ELAVL2: variants seen among roughly 807,000 people sequenced by gnomAD.
The protein encoded by ELAVL2 is ELAV-like protein 2.
A neutral mutation model predicts 34.6 loss-of-function variants in ELAVL2; 4 were observed. The ratio of observed to expected loss-of-function variants is 0.12; its 90% CI spans 0.06 to 0.26. The LOEUF (loss-of-function observed/expected upper bound fraction) is 0.26. Among genes scored for constraint, ELAVL2 ranks in the 10% least tolerant of loss-of-function variants. ELAVL2 has a pLI of 1.00. For synonymous variants in ELAVL2, 193 were observed against 154.8 expected (o/e 1.25, Z -1.83); for missense variants, 432 against 442.8 (o/e 0.98, Z 0.22).
chr9:23,818,078 C>A (rs193148694), intron 1 of ELAVL2, among the ~76,000 whole-genome samples: 5 of 152,270 alleles, frequency 3.3e-5, no homozygotes, highest in African/African-American at 1.2e-4. Flanking sequence ...GGATTTGGCA[C>A]TGAACTACAA....
intron 1 of ELAVL2, among the ~76,000 whole-genome samples, chr9:23,767,688 G>C (rs1240800489): frequency 6.6e-6 from 1 of 152,116 alleles, no homozygotes; most frequent in Non-Finnish European, 1.5e-5. Flanking sequence ...CAGGAGAATG[G>C]CTTGAACCCA....
chr9:23,821,794 C>T (rs1157475816), intron 1 of ELAVL2: 4 of 151,526 alleles, frequency 2.6e-5, no homozygotes, highest in Non-Finnish European at 4.4e-5. Flanking sequence ...CCGCCCTCCT[C>T]ACCCGGCCGG....
intron 1 of ELAVL2, among the ~76,000 whole-genome samples, chr9:23,774,124 T>C (rs1202492717): frequency 7.2e-6 from 1 of 138,720 alleles, no homozygotes; most frequent in African/African-American, 2.7e-5. Flanking sequence ...GGCAGGACAA[T>C]GGCATGAACC....
At chr9:23,784,646 C>G (rs2059468517) in intron 1 of ELAVL2, among the ~76,000 whole-genome samples, 1 of 152,174 alleles carries the variant, frequency 6.6e-6, no homozygotes, top group Non-Finnish European at 1.5e-5. Context: ...GATCTTGAAA[C>G]CCATCTATCC....
At chr9:23,730,654 A>G (rs2046303857) in intron 3 of ELAVL2, among the ~76,000 whole-genome samples, 2 of 152,118 alleles carry the variant, frequency 1.3e-5, no homozygotes, top group African/African-American at 2.4e-5. Flanking sequence ...GTTGTGACAG[A>G]ATGCATGGCT....
chr9:23,789,008 G>GC (rs1354481350), intron 1 of ELAVL2, among the ~76,000 whole-genome samples: 2 of 152,162 alleles, frequency 1.3e-5, no homozygotes, highest in East Asian at 3.9e-4. Context: ...AGGAACTACT[G>GC]CCATCCAAGC....
intron 3 of ELAVL2, among the ~76,000 whole-genome samples, chr9:23,713,219 T>C (rs1359820957): frequency 6.6e-6 from 1 of 152,214 alleles, no homozygotes; most frequent in East Asian, 1.9e-4. Flanking sequence ...GCAAATGGGA[T>C]ACATGGTAAA....
intron 1 of ELAVL2, among the ~76,000 whole-genome samples, chr9:23,770,319 C>T (rs1056128763): frequency 1.3e-5 from 2 of 152,066 alleles, no homozygotes; most frequent in Admixed American, 6.6e-5. Context: ...GAGCTTTGAA[C>T]CAAGGTTTGA....
chr9:23,701,458 G>C lies in ELAVL2; in HGVS notation c.634C>G (p.Gln212Glu). 1 of 1,614,128 alleles carries C rather than the reference G, an allele frequency of 6.2e-7. No individual in the cohort carries two copies. The highest frequency in any genetic ancestry group is 8.5e-7 in the Non-Finnish European group (1 of 1,180,000). The change falls in exon 5 of 7, where the codon CAG becomes GAG. Residue 212 changes from glutamine to glutamate, a missense_variant. Gln to Glu is a conservative substitution (Grantham distance 29). Transcript: ENST00000397312. ...FANNPSQKTN[Q>E]AILSQLYQSP... ...TGGTACAGCTGGGAAAGGATGGCCT[G>C]ATTGGTTTTTTGGCTTGGGTTATTA... is the stretch of plus-strand genomic sequence containing the variant.
the ELAVL2 span, chr9:23,832,336 C>T: frequency 1.3e-5 from 2 of 152,014 alleles, no homozygotes; most frequent in Non-Finnish European, 1.5e-5. Context: ...TAGGATAATA[C>T]AGGAAACAAA....
chr9:23,702,560 T>C (rs2037643919), intron 4 of ELAVL2, among the ~76,000 whole-genome samples: 1 of 151,362 alleles, frequency 6.6e-6, no homozygotes, highest in Non-Finnish European at 1.5e-5. Flanking sequence ...AAATGAGCAC[T>C]GGACCATCAT....
intron 1 of ELAVL2, among the ~76,000 whole-genome samples, chr9:23,766,759 G>A (rs2056349339): frequency 6.6e-6 from 1 of 152,078 alleles, no homozygotes; most frequent in Non-Finnish European, 1.5e-5. Flanking sequence ...CCTTTATGCT[G>A]GCCAACAATT....
At chr9:23,775,790 G>C (rs1182212346) in intron 1 of ELAVL2, among the ~76,000 whole-genome samples, 2 of 152,060 alleles carry the variant, frequency 1.3e-5, no homozygotes, top group African/African-American at 4.8e-5. Context: ...GTGTTTTCCA[G>C]TGTCACCCAA....
At chr9:23,702,513 G>A (rs1458739361) in intron 4 of ELAVL2, among the ~76,000 whole-genome samples, 1 of 151,834 alleles carries the variant, frequency 6.6e-6, no homozygotes, top group African/African-American at 2.4e-5. Flanking sequence ...TGGTCATCAT[G>A]AGATAAGCAG....
chr9:23,703,792 AAAAC>A (rs896947803), intron 4 of ELAVL2, among the ~76,000 whole-genome samples: 3 of 152,220 alleles, frequency 2.0e-5, no homozygotes, highest in African/African-American at 4.8e-5. Flanking sequence ...CTACCTTAAA[AAAAC>A]AAACAAAAAC....
chr9:23,708,046 A>AT (rs199608597), intron 3 of ELAVL2, among the ~76,000 whole-genome samples: 23 of 142,468 alleles, frequency 1.6e-4, no homozygotes, highest in South Asian at 1.0e-3. Context: ...CAGTTATGTG[A>AT]TTTTTTTTTT....
At chr9:23,698,206 G>C (rs2035934570) in intron 5 of ELAVL2, among the ~76,000 whole-genome samples, 1 of 152,026 alleles carries the variant, frequency 6.6e-6, no homozygotes, top group African/African-American at 2.4e-5. Flanking sequence ...AAAAAATTTG[G>C]CTTAAAGTTT....
At chr9:23,752,400 C>G (rs1033099120) in intron 2 of ELAVL2, among the ~76,000 whole-genome samples, 1 of 152,036 alleles carries the variant, frequency 6.6e-6, no homozygotes, top group Non-Finnish European at 1.5e-5. Flanking sequence ...AACTTGATCC[C>G]AAACTAAGTA....
chr9:23,783,366 A>T, intron 1 of ELAVL2: 1 of 804,542 alleles, frequency 1.2e-6, no homozygotes, highest in South Asian at 5.7e-5. Context: ...TAAATGGAGT[A>T]ACTCCAAGGA....
Sources: gnomAD v4.1 joint callset for allele counts (sites outside exome capture counted in the v4.1 genomes callset) on GRCh38, gnomAD v4.1.1 for gene constraint, MANE v1.5 for transcripts, NCBI Gene and HGNC (gene_info 2026-07-23, HGNC 2026-07-21) for gene names.